The following PPP1R21 variants were observed in gnomAD, a reference collection of about 807,000 sequenced individuals.
PPP1R21 encodes the protein protein phosphatase 1 regulatory subunit 21.
A neutral mutation model predicts 112.8 loss-of-function variants in PPP1R21; 85 were observed. That is an observed-to-expected ratio of 0.75 (90% CI 0.63 to 0.90). PPP1R21 has a LOEUF of 0.90. Among genes scored for constraint, PPP1R21 ranks in the 40% least tolerant of loss-of-function variants. The pLI is 0.00. For missense variants in PPP1R21, 1,199 were observed against 901.5 expected (o/e 1.33, Z -4.23); for synonymous variants, 381 against 322.3 (o/e 1.18, Z -1.95).
At position 48,483,052 on chromosome 2, in the gene PPP1R21, C is replaced by T. The variant is rs1006074514; in HGVS notation, c.1318+3036C>T. Among the ~76,000 whole-genome samples the T allele has an allele frequency of 5.3e-5, 8 of 152,152 alleles. No individual in the cohort carries two copies. In the East Asian group the frequency reaches 5.8e-4, roughly 11 times the overall value. Reference sequence around the variant, plus strand: ...ACATGCAGTATTTGATTTTCTGTTTCTGCGTTAGTTTGCTGAAGATAATGG... The same window carrying T: ...ACATGCAGTATTTGATTTTCTGTTTTTGCGTTAGTTTGCTGAAGATAATGG... On this transcript the variant is annotated intron_variant, in intron 13 of 21. Transcript: ENST00000294952.
intron 9 of PPP1R21, 149 bp from the exon 10 acceptor site, chr2:48,470,938 T>G (rs1337934984): frequency 8.5e-6 from 5 of 589,334 alleles, no homozygotes; most frequent in Non-Finnish European, 1.5e-5. Context: ...AATAAAAGTT[T>G]CCAAAACTTG....
At chr2:48,443,505 T>C (rs1667117666) in intron 1 of PPP1R21, among the ~76,000 whole-genome samples, 1 of 152,192 alleles carries the variant, frequency 6.6e-6, no homozygotes, top group African/African-American at 2.4e-5. Flanking sequence ...TGAGAGTTAA[T>C]CAGGGTAGAA....
intron 12 of PPP1R21, among the ~76,000 whole-genome samples, chr2:48,476,721 T>A (rs1358850145): frequency 1.3e-5 from 2 of 152,250 alleles, no homozygotes; most frequent in Admixed American, 1.3e-4. Context: ...TCTTTTAATG[T>A]ACTTATTGGC....
Position 48,465,519 on chromosome 2 carries a change from G to C in PPP1R21, c.774G>C (p.Gln258His). Residue 258 changes from glutamine (Q) to histidine (H), a missense_variant, in exon 9 of 22, where the codon CAG becomes CAC. Transcript: ENST00000294952. ...TGAAGATGCGAGATATTGCTGGGCAGGCCCTGGCTTTTGTTCAGGATCTTG... is the reference window on the plus strand; with the variant it reads ...TGAAGATGCGAGATATTGCTGGGCACGCCCTGGCTTTTGTTCAGGATCTTG... ...HQLKMRDIAG[Q>H]ALAFVQDLVT... The C allele has an allele frequency of 6.2e-7, 1 of 1,613,426 alleles. No individual in the cohort carries two copies. The highest frequency in any genetic ancestry group is 8.5e-7 in the Non-Finnish European group (1 of 1,179,774).
chr2:48,445,671 G>C (rs1161809759), intron 1 of PPP1R21, among the ~76,000 whole-genome samples: 1 of 152,196 alleles, frequency 6.6e-6, no homozygotes, highest in Non-Finnish European at 1.5e-5. Flanking sequence ...CAGCTAAACT[G>C]CAAGGGTTGG....
chr2:48,457,685 G>T (rs2103786973), intron 3 of PPP1R21, among the ~76,000 whole-genome samples: 1 of 152,022 alleles, frequency 6.6e-6, no homozygotes, highest in African/African-American at 2.4e-5. Context: ...ACTTACCTTT[G>T]TGGATGCTGT....
intron 13 of PPP1R21, among the ~76,000 whole-genome samples, chr2:48,481,230 C>T (rs1225921517): frequency 6.6e-6 from 1 of 152,204 alleles, no homozygotes; most frequent in Non-Finnish European, 1.5e-5. Context: ...ATCAGGTGAC[C>T]CACCTGCCGT....
At chr2:48,468,823 AAATG>A (rs1668319798) in intron 9 of PPP1R21, among the ~76,000 whole-genome samples, 1 of 89,732 alleles carries the variant, frequency 1.1e-5, no homozygotes, top group Non-Finnish European at 2.3e-5. Flanking sequence ...TCAAGAAAAA[AAATG>A]TATGTGTGTG....
chr2:48,491,039 A>C lies in PPP1R21; in HGVS notation c.1468A>C (p.Asn490His). 6.2e-7 allele frequency: 1 copy of C among 1,614,088 alleles called. No individual in the cohort carries two copies. Among genetic ancestry groups the C allele is most frequent in the East Asian group, 2.2e-5 (1 of 44,880 alleles). ...TTAGATTGCATCCTTCTTCAGCAAC[A>C]ATTTGGACTACTTCATTGCTTCACT... Reference protein sequence around the residue: ...AGKIASFFSNNLDYFIASLSY... With the variant: ...AGKIASFFSNHLDYFIASLSY... Residue 490 changes from asparagine (N) to histidine (H), a missense_variant, in exon 15 of 22, where the codon AAT (asparagine) becomes CAT (histidine). Asn to His is a moderately conservative substitution (Grantham distance 68, BLOSUM62 1). Transcript: ENST00000294952.
intron 13 of PPP1R21, among the ~76,000 whole-genome samples, chr2:48,480,910 C>T (rs954228458): frequency 6.6e-6 from 1 of 152,194 alleles, no homozygotes; most frequent in Non-Finnish European, 1.5e-5. Context: ...CATTCTTAGT[C>T]TCAGCAGTGT....
At chr2:48,465,371 G>C in intron 8 of PPP1R21, 122 bp from the exon 9 acceptor site, 1 of 958,576 alleles carries the variant, frequency 1.0e-6, no homozygotes, top group Non-Finnish European at 1.5e-6. Context: ...GGGAGCAGAT[G>C]AATTTAAAGT....
intron 3 of PPP1R21, among the ~76,000 whole-genome samples, chr2:48,455,772 T>C (rs1667693648): frequency 6.6e-6 from 1 of 151,948 alleles, no homozygotes; most frequent in Admixed American, 6.6e-5. Flanking sequence ...CCCAGCACTT[T>C]GGGAGGCTGA....
At chr2:48,441,191 C>A (rs1667012617) in intron 1 of PPP1R21, 181 bp downstream of exon 1, 1 of 615,878 alleles carries the variant, frequency 1.6e-6, no homozygotes, top group Non-Finnish European at 2.9e-6. Context: ...GGAGATGGGG[C>A]CGGGCGGTGT....
chr2:48,496,664 C>T (rs144041806), intron 16 of PPP1R21, among the ~76,000 whole-genome samples: 310 of 152,268 alleles, frequency 2.0e-3, no homozygotes, highest in African/African-American at 6.8e-3. Context: ...GACAGGGTTT[C>T]GCCACATTGG....
chr2:48,490,756 G>C (rs1669526524), intron 14 of PPP1R21, among the ~76,000 whole-genome samples: 1 of 152,076 alleles, frequency 6.6e-6, no homozygotes, highest in East Asian at 1.9e-4. Context: ...TATCAGTCTT[G>C]GTTTTCAGGA....
intron 14 of PPP1R21, among the ~76,000 whole-genome samples, chr2:48,490,008 G>A (rs1352852410): frequency 6.6e-6 from 1 of 151,904 alleles, no homozygotes; most frequent in Non-Finnish European, 1.5e-5. Flanking sequence ...TCGTGCCACC[G>A]CCCTCCAGCC....
At chr2:48,512,800 T>C (rs1670700264) in intron 21 of PPP1R21, among the ~76,000 whole-genome samples, 1 of 151,752 alleles carries the variant, frequency 6.6e-6, no homozygotes, top group Non-Finnish European at 1.5e-5. Context: ...TCAGGAAACT[T>C]GAGCTTGGGG....
chr2:48,505,858 G>A (rs554644838), intron 18 of PPP1R21, among the ~76,000 whole-genome samples: 1 of 152,170 alleles, frequency 6.6e-6, no homozygotes, highest in African/African-American at 2.4e-5. Context: ...ATTTGACAAG[G>A]TGTGGCTCCT....
Position 48,514,764 on chromosome 2 carries a change from C to A in PPP1R21, c.*20C>A, listed in dbSNP as rs201470465. ...CGATAGTTTTGAAATAGCTGGTTGG[C>A]GACTGTTCTTTCCAGACCTGCTCCT... On this transcript the variant is annotated 3_prime_UTR_variant, in exon 22 of 22. Transcript: ENST00000294952. 16 of 1,612,582 alleles carry A rather than the reference C, an allele frequency of 9.9e-6. No individual in the cohort carries two copies. The South Asian group carries it at 1.6e-4, about 17-fold the overall frequency.
Sources: allele counts gnomAD v4.1 joint callset (sites outside exome capture counted in the v4.1 genomes callset), GRCh38; gene constraint gnomAD v4.1.1; transcripts MANE v1.5; gene names NCBI Gene and HGNC (gene_info 2026-07-23, HGNC 2026-07-21).